The following TBL1XR1 variants were observed in gnomAD, a reference collection of about 807,000 sequenced individuals.
The protein encoded by TBL1XR1 is TBL1X/Y related 1.
TBL1XR1 carries 5 observed loss-of-function variants against 66.9 expected under a neutral mutation model. The ratio of observed to expected loss-of-function variants is 0.07; its 90% CI spans 0.04 to 0.16. TBL1XR1 has a LOEUF of 0.16. Among genes scored for constraint, TBL1XR1 ranks in the 10% least tolerant of loss-of-function variants. The probability of loss-of-function intolerance (pLI) is 1.00; values close to 1 mark genes in which losing one functional copy is unlikely to be tolerated. For synonymous variants in TBL1XR1, 210 were observed against 206.0 expected, an observed-to-expected ratio of 1.02 and a Z score of -0.17; for missense variants, 238 against 623.2, an observed-to-expected ratio of 0.38 and a Z score of 6.58.
At chr3:177,097,383 AAG>A (rs746097479) in intron 2 of TBL1XR1, among the ~76,000 whole-genome samples, 36 of 152,164 alleles carry the variant, frequency 2.4e-4, no homozygotes, top group Admixed American at 4.6e-4. Context: ...AATTTTTTTT[AAG>A]AGAGAATCAC....
chr3:177,093,217 T>C (rs566668970), intron 2 of TBL1XR1, among the ~76,000 whole-genome samples: 3 of 152,240 alleles, frequency 2.0e-5, no homozygotes, highest in Admixed American at 6.5e-5. Flanking sequence ...TTTACAGCTA[T>C]TGTAGTAGCT....
At chr3:177,097,147 T>C (rs1723598497) in intron 2 of TBL1XR1, among the ~76,000 whole-genome samples, 1 of 152,218 alleles carries the variant, frequency 6.6e-6, no homozygotes, top group Non-Finnish European at 1.5e-5. Flanking sequence ...TTCTTAACTT[T>C]TAATAGTTTT....
chr3:177,104,546 A>G (rs1453843712), intron 1 of TBL1XR1, among the ~76,000 whole-genome samples: 3 of 152,340 alleles, frequency 2.0e-5, no homozygotes, highest in Non-Finnish European at 2.9e-5. Context: ...AACAGCAGGG[A>G]TATCTTAAGT....
chr3:177,109,206 T>C (rs577584782), intron 1 of TBL1XR1, among the ~76,000 whole-genome samples: 3 of 152,334 alleles, frequency 2.0e-5, no homozygotes, highest in South Asian at 2.1e-4. Flanking sequence ...GTCAATTTCA[T>C]ACCTTTTCCC....
intron 1 of TBL1XR1, among the ~76,000 whole-genome samples, chr3:177,111,081 G>GT (rs1466300215): frequency 6.6e-6 from 1 of 152,108 alleles, no homozygotes; most frequent in African/African-American, 2.4e-5. Flanking sequence ...TAGCAGGGCA[G>GT]TATCACGCCA....
chr3:177,084,475 C>T (rs1341738597), intron 2 of TBL1XR1, among the ~76,000 whole-genome samples: 7 of 152,364 alleles, frequency 4.6e-5, no homozygotes, highest in African/African-American at 1.4e-4. Flanking sequence ...CAAGTTGCTG[C>T]AGACATCGAT....
intron 4 of TBL1XR1, among the ~76,000 whole-genome samples, chr3:177,053,524 A>C (rs1717389154): frequency 6.6e-6 from 1 of 152,228 alleles, no homozygotes; most frequent in Admixed American, 6.5e-5. Flanking sequence ...CTGTTGTGTT[A>C]ATAAAAATTC....
chr3:177,048,230 T>C (rs561172645), intron 7 of TBL1XR1, among the ~76,000 whole-genome samples: 4 of 152,220 alleles, frequency 2.6e-5, no homozygotes, highest in South Asian at 4.1e-4. Context: ...TCTCAACTTA[T>C]ATTCCCTTGC....
intron 1 of TBL1XR1, among the ~76,000 whole-genome samples, chr3:177,172,616 C>A (rs1049050989): frequency 7.5e-5 from 9 of 120,742 alleles, no homozygotes; most frequent in African/African-American, 2.8e-4. Context: ...GCAAGACCCT[C>A]ATCTCAAGAA....
At chr3:177,119,967 C>G (rs1726786341) in intron 1 of TBL1XR1, among the ~76,000 whole-genome samples, 1 of 152,162 alleles carries the variant, frequency 6.6e-6, no homozygotes, top group South Asian at 2.1e-4. Flanking sequence ...ACTCGCTCAT[C>G]TAAAAATACT....
At chr3:177,070,722 T>C (rs1416432162) in intron 2 of TBL1XR1, among the ~76,000 whole-genome samples, 2 of 152,038 alleles carry the variant, frequency 1.3e-5, no homozygotes, top group African/African-American at 4.8e-5. Flanking sequence ...GGCAGGTGCC[T>C]GTAATCCCAG....
chr3:177,072,553 A>G (rs1314225644), intron 2 of TBL1XR1, among the ~76,000 whole-genome samples: 1 of 152,222 alleles, frequency 6.6e-6, no homozygotes, highest in East Asian at 1.9e-4. Context: ...ATGTTCAAAT[A>G]CACATCTTTT....
intron 1 of TBL1XR1, among the ~76,000 whole-genome samples, chr3:177,112,108 T>TATATATATATATATATATA (rs1553846589): frequency 5.0e-4 from 18 of 35,654 alleles, no homozygotes; most frequent in African/African-American, 7.6e-4. Flanking sequence ...TATATATATA[T>TATATATATATATATATATA]TTTTTTTTTT....
At chr3:177,131,294 T>G in intron 1 of TBL1XR1, 1 of 977,750 alleles carries the variant, frequency 1.0e-6, no homozygotes, top group Non-Finnish European at 1.2e-6. Context: ...TGCCTAATCA[T>G]AAAGACCCTT....
At chr3:177,098,832 T>C (rs1723830364) in intron 1 of TBL1XR1, among the ~76,000 whole-genome samples, 1 of 152,196 alleles carries the variant, frequency 6.6e-6, no homozygotes, top group Non-Finnish European at 1.5e-5. Context: ...CTCATGTAAA[T>C]ATTATTGCAT....
chr3:177,192,033 C>T (rs1736206064), intron 1 of TBL1XR1, among the ~76,000 whole-genome samples: 1 of 146,386 alleles, frequency 6.8e-6, no homozygotes, highest in Non-Finnish European at 1.5e-5. Flanking sequence ...GCAGAGGTTG[C>T]AGTGAGCCGA....
intron 10 of TBL1XR1, among the ~76,000 whole-genome samples, chr3:177,044,621 C>G (rs938995133): frequency 6.6e-6 from 1 of 152,114 alleles, no homozygotes; most frequent in African/African-American, 2.4e-5. Flanking sequence ...CAAAATATAT[C>G]AAATGGTTCA....
At chr3:177,099,970 A>G (rs1193943252) in intron 1 of TBL1XR1, among the ~76,000 whole-genome samples, 3 of 152,244 alleles carry the variant, frequency 2.0e-5, no homozygotes, top group African/African-American at 7.2e-5. Context: ...AGTCAGGCAC[A>G]GAGACTCATG....
chr3:177,136,828 G>A lies in TBL1XR1; in HGVS notation c.-121-38287C>T, dbSNP rs776330292. ...CCTGTCTTTTACTCTCTTCCCCCAG[G>A]GCTTTTACTAAATCATTTTCAAAAA... On this transcript the variant is annotated intron_variant, in intron 1 of 15. Transcript: ENST00000457928. Among the ~76,000 whole-genome samples the A allele has an allele frequency of 1.7e-4, 26 of 152,026 alleles. 1 individual carries two copies. Among genetic ancestry groups the A allele is most frequent in the South Asian group, 1.7e-3 (8 of 4,810 alleles).
Sources: gnomAD v4.1 joint callset for allele counts (sites outside exome capture counted in the v4.1 genomes callset) on GRCh38, gnomAD v4.1.1 for gene constraint, MANE v1.5 for transcripts, NCBI Gene and HGNC (gene_info 2026-07-23, HGNC 2026-07-21) for gene names.